IFNGR2: variants seen among roughly 807,000 people sequenced by gnomAD.
IFNGR2 encodes interferon gamma receptor 2, also known as IFN-gamma receptor 2.
IFNGR2 carries 15 observed loss-of-function variants against 41.1 expected under a neutral mutation model. The ratio of observed to expected loss-of-function variants is 0.37; its 90% confidence interval spans 0.24 to 0.56. IFNGR2 has a LOEUF of 0.56. IFNGR2 is among the 20% of genes least tolerant of loss of function. IFNGR2 has a pLI of 0.81. For synonymous variants in IFNGR2, 161 were observed against 171.6 expected, an observed-to-expected ratio of 0.94 and a Z score of 0.48; for missense variants, 362 against 415.7, an observed-to-expected ratio of 0.87 and a Z score of 1.12.
intron 4 of IFNGR2, among the ~76,000 whole-genome samples, chr21:33,427,601 G>A (rs545878834): frequency 4.6e-5 from 7 of 152,144 alleles, no homozygotes; most frequent in African/African-American, 1.7e-4. Flanking sequence ...TGACAGAGGT[G>A]CATGACATCA....
chr21:33,417,040 C>A (rs1163944081), intron 2 of IFNGR2, among the ~76,000 whole-genome samples: 1 of 151,094 alleles, frequency 6.6e-6, no homozygotes, highest in South Asian at 2.1e-4. Flanking sequence ...ATACCTCAGC[C>A]TTCTGTGTAG....
chr21:33,428,886 C>A (rs994296521), intron 4 of IFNGR2, among the ~76,000 whole-genome samples: 4 of 152,170 alleles, frequency 2.6e-5, no homozygotes, highest in Admixed American at 2.6e-4. Flanking sequence ...CTTCTCTGCA[C>A]TGAGTCAGCC....
intron 1 of IFNGR2, chr21:33,410,942 A>C: frequency 8.3e-7 from 1 of 1,198,784 alleles, no homozygotes. Flanking sequence ...GCATCTCACA[A>C]CCACTGCTCC....
In IFNGR2 at chr21:33,415,001, T is replaced by C; in HGVS notation, c.187T>C (p.Tyr63His). The change falls in exon 2 of 7, where the codon TAC becomes CAC. Residue 63 changes from tyrosine to histidine, a missense_variant. Coordinates refer to ENST00000290219, the MANE Select transcript of IFNGR2 (RefSeq NM_005534.4). ...GAGCAATAGCACGAGGCCTGTTGTCTACCAAGTGCAGTTTAAATAGTAAGC... is the reference window on the plus strand; with the variant it reads ...GAGCAATAGCACGAGGCCTGTTGTCCACCAAGTGCAGTTTAAATAGTAAGC... ...ALSNSTRPVV[Y>H]QVQFKYTDSK... 6.2e-7 allele frequency: 1 copy of C among 1,614,162 alleles called. No homozygotes were observed. Among genetic ancestry groups the C allele is most frequent in the Non-Finnish European group, 8.5e-7 (1 of 1,180,010 alleles).
chr21:33,403,697 G>T, intron 1 of IFNGR2, 81 bp downstream of exon 1: 1 of 1,004,472 alleles, frequency 1.0e-6, no homozygotes, highest in Non-Finnish European at 1.3e-6. Context: ...GGATCGTGGG[G>T]TGGGGGGAAT....
rs1377703116 is a variant in IFNGR2, at chr21:33,426,820, A to G, written c.413-64A>G. 4 of 1,162,188 alleles carry G rather than the reference A, an allele frequency of 3.4e-6. No homozygotes were observed. The African/African-American group carries it at 6.3e-5, about 18-fold the overall frequency. The allele number at this position is 1,162,188 out of a possible 1,614,324, so 72.0% of individuals were successfully genotyped here. On this transcript the variant is annotated intron_variant, in intron 3 of 6. Transcript: ENST00000290219. ...ATATATATATAGCATTATATAATAC[A>G]TTGTATTATATCTATAATACATATG...
At chr21:33,408,639 T>C (rs779000612) in intron 1 of IFNGR2, among the ~76,000 whole-genome samples, 2 of 152,150 alleles carry the variant, frequency 1.3e-5, no homozygotes, top group Non-Finnish European at 2.9e-5. Context: ...TGGCCCTGAG[T>C]GTATAAAAAT....
intron 3 of IFNGR2, among the ~76,000 whole-genome samples, chr21:33,424,302 TAAAA>T (rs1006811259): frequency 2.8e-5 from 4 of 144,562 alleles, no homozygotes; most frequent in African/African-American, 1.0e-4. Context: ...CTCTGTCATT[TAAAA>T]AAAAAAAGGA....
chr21:33,429,476 T>G (rs1601088762), intron 4 of IFNGR2, among the ~76,000 whole-genome samples: 1 of 152,280 alleles, frequency 6.6e-6, no homozygotes, highest in East Asian at 1.9e-4. Context: ...CTCTGATTTT[T>G]TATAGCAAAA....
At chr21:33,409,248 C>T (rs979032695) in intron 1 of IFNGR2, among the ~76,000 whole-genome samples, 2 of 151,684 alleles carry the variant, frequency 1.3e-5, no homozygotes, top group Non-Finnish European at 2.9e-5. Flanking sequence ...GCAGGCAGAT[C>T]AGGAGGTCAG....
chr21:33,419,441 C>A (rs1166725155), intron 2 of IFNGR2, among the ~76,000 whole-genome samples: 1 of 149,288 alleles, frequency 6.7e-6, no homozygotes, highest in African/African-American at 2.4e-5. Context: ...TTTCTAAATT[C>A]GTTCTCTTGT....
intron 2 of IFNGR2, among the ~76,000 whole-genome samples, 185 bp downstream of exon 2, chr21:33,415,205 G>T (rs1182281875): frequency 6.6e-6 from 1 of 152,160 alleles, no homozygotes; most frequent in Non-Finnish European, 1.5e-5. Flanking sequence ...TCATCTGAAG[G>T]CTTAAACTAC....
At chr21:33,423,929 G>A (rs373707101) in intron 3 of IFNGR2, among the ~76,000 whole-genome samples, 5 of 151,690 alleles carry the variant, frequency 3.3e-5, no homozygotes, top group Non-Finnish European at 5.9e-5. Flanking sequence ...CTGTGGACAA[G>A]CCATTTGTCC....
At chr21:33,418,924 A>G (rs769270299) in intron 2 of IFNGR2, among the ~76,000 whole-genome samples, 47 of 152,148 alleles carry the variant, frequency 3.1e-4, no homozygotes, top group Admixed American at 9.8e-4. Context: ...CCCCTCTCTC[A>G]GACCTGCCCA....
At chr21:33,403,313 G>C (rs1376156761), upstream of IFNGR2, 1 of 166,206 alleles carries the variant, frequency 6.0e-6, no homozygotes, top group Non-Finnish European at 1.3e-5. Context: ...TTCCCGGAGC[G>C]GGAAAGTCCC....
chr21:33,406,296 A>G (rs981306618), intron 1 of IFNGR2, among the ~76,000 whole-genome samples: 7 of 152,002 alleles, frequency 4.6e-5, no homozygotes, highest in African/African-American at 1.7e-4. Flanking sequence ...GAATCACTTG[A>G]ACCTGGGAGG....
intron 2 of IFNGR2, 40 bp downstream of exon 2, chr21:33,415,060 G>C: frequency 1.9e-6 from 3 of 1,612,600 alleles, no homozygotes; most frequent in South Asian, 1.1e-5. Context: ...TGGGAGCTGT[G>C]GGGGCATCGT....
intron 6 of IFNGR2, among the ~76,000 whole-genome samples, chr21:33,436,151 A>G (rs1043846565): frequency 1.1e-4 from 15 of 134,434 alleles, no homozygotes; most frequent in African/African-American, 4.0e-4. Context: ...TGAGGTCAGG[A>G]GTTCGAGACA....
At chr21:33,429,798 C>T (rs776947357) in intron 4 of IFNGR2, among the ~76,000 whole-genome samples, 42 of 152,068 alleles carry the variant, frequency 2.8e-4, no homozygotes, top group Middle Eastern at 6.8e-3. Context: ...AGTGTAGGGA[C>T]GGTAAGCCAC....
Sources: allele counts gnomAD v4.1 joint callset (sites outside exome capture counted in the v4.1 genomes callset), GRCh38; gene constraint gnomAD v4.1.1; transcripts MANE v1.5; gene names NCBI Gene and HGNC (gene_info 2026-07-23, HGNC 2026-07-21).